NRXN3: variants seen among roughly 807,000 people sequenced by gnomAD.
The protein encoded by NRXN3 is neurexin III.
NRXN3 carries 32 observed loss-of-function variants against 137.6 expected under a neutral mutation model. The ratio of observed to expected loss-of-function variants is 0.23; its 90% CI spans 0.18 to 0.31. The LOEUF (loss-of-function observed/expected upper bound fraction) is 0.31. Among genes scored for constraint, NRXN3 ranks in the 10% least tolerant of loss-of-function variants. The probability of loss-of-function intolerance (pLI) is 1.00; values close to 1 mark genes in which losing one functional copy is unlikely to be tolerated. For synonymous variants in NRXN3, 798 were observed against 784.5 expected (o/e 1.02, Z -0.29); for missense variants, 1,574 against 2,062.5 (o/e 0.76, Z 4.59).
intron 19 of NRXN3, among the ~76,000 whole-genome samples, chr14:79,748,274 T>G (rs974510980): frequency 5.9e-5 from 9 of 152,094 alleles, no homozygotes; most frequent in African/African-American, 1.9e-4. Context: ...AAGCGCCTCT[T>G]AAAGTTATAA....
intron 15 of NRXN3, among the ~76,000 whole-genome samples, chr14:79,120,913 G>A (rs7149325): frequency 0.51 from 77,979 of 151,876 alleles, 22,747 homozygotes; most frequent in East Asian, 0.78. Context: ...TTAGAATGAG[G>A]AGGATTCTAA....
chr14:78,439,166 A>T (rs1437584762), intron 4 of NRXN3, among the ~76,000 whole-genome samples: 1 of 152,080 alleles, frequency 6.6e-6, no homozygotes, highest in Non-Finnish European at 1.5e-5. Flanking sequence ...ATCTGAAGAT[A>T]GTTAAAAAAA....
At chr14:79,282,998 A>G (rs1312281673) in intron 15 of NRXN3, among the ~76,000 whole-genome samples, 1 of 152,184 alleles carries the variant, frequency 6.6e-6, no homozygotes, top group Non-Finnish European at 1.5e-5. Context: ...GTCTCTAACT[A>G]AAAGGACCAG....
At chr14:79,795,232 T>G (rs1002342234) in intron 19 of NRXN3, among the ~76,000 whole-genome samples, 76 of 152,358 alleles carry the variant, frequency 5.0e-4, no homozygotes, top group Non-Finnish European at 7.6e-4. Flanking sequence ...TTTTGTAAAT[T>G]ATTTTGAATC....
intron 16 of NRXN3, among the ~76,000 whole-genome samples, chr14:79,472,119 T>C (rs2096517560): frequency 6.6e-6 from 1 of 152,224 alleles, no homozygotes; most frequent in African/African-American, 2.4e-5. Context: ...TGTGTTACTT[T>C]GCTAAAGATG....
chr14:78,411,004 C>G (rs527592456), intron 4 of NRXN3, among the ~76,000 whole-genome samples: 59 of 152,144 alleles, frequency 3.9e-4, no homozygotes, highest in Admixed American at 1.2e-3. Flanking sequence ...CTCGCTGGGT[C>G]TAGATTTCAT....
At chr14:79,071,873 T>G (rs989279402) in intron 15 of NRXN3, among the ~76,000 whole-genome samples, 10 of 152,160 alleles carry the variant, frequency 6.6e-5, no homozygotes, top group Admixed American at 5.2e-4. Flanking sequence ...GGCTACCCCA[T>G]TTACCCTGAT....
intron 10 of NRXN3, among the ~76,000 whole-genome samples, chr14:78,855,342 G>C (rs552615484): frequency 2.0e-4 from 31 of 152,252 alleles, no homozygotes; most frequent in African/African-American, 5.8e-4. Context: ...AAACAAACAA[G>C]ATGAAAACCT....
chr14:78,270,465 C>T (rs1360474808), intron 2 of NRXN3, among the ~76,000 whole-genome samples: 1 of 152,170 alleles, frequency 6.6e-6, no homozygotes, highest in Non-Finnish European at 1.5e-5. Context: ...TGGCAGTGCC[C>T]ATCTGCTATG....
chr14:79,075,605 T>G (rs963397414), intron 15 of NRXN3, among the ~76,000 whole-genome samples: 1 of 152,146 alleles, frequency 6.6e-6, no homozygotes, highest in Non-Finnish European at 1.5e-5. Flanking sequence ...TTTCAGATAT[T>G]TAATTAAGTC....
At chr14:79,344,130 A>G (rs1598937263) in intron 15 of NRXN3, among the ~76,000 whole-genome samples, 1 of 152,162 alleles carries the variant, frequency 6.6e-6, no homozygotes, top group East Asian at 1.9e-4. Context: ...GAAGACTCCA[A>G]GAGGAATGTA....
intron 4 of NRXN3, among the ~76,000 whole-genome samples, chr14:78,332,568 C>G (rs2080962163): frequency 6.6e-6 from 1 of 152,154 alleles, no homozygotes; most frequent in African/African-American, 2.4e-5. Context: ...CCTGCCTTGG[C>G]CTCCCAAAGT....
intron 4 of NRXN3, among the ~76,000 whole-genome samples, chr14:78,306,385 C>A (rs2077372141): frequency 6.6e-6 from 1 of 152,108 alleles, no homozygotes; most frequent in Non-Finnish European, 1.5e-5. Context: ...ATATAATTTT[C>A]AACTGTAGAT....
intron 4 of NRXN3, among the ~76,000 whole-genome samples, chr14:78,370,787 G>T (rs1041983384): frequency 6.6e-6 from 1 of 152,184 alleles, no homozygotes; most frequent in African/African-American, 2.4e-5. Flanking sequence ...AAGTATGGAT[G>T]TCTAAGATTG....
intron 6 of NRXN3, among the ~76,000 whole-genome samples, chr14:78,662,847 C>T (rs1025267810): frequency 4.6e-5 from 7 of 152,126 alleles, no homozygotes; most frequent in African/African-American, 1.7e-4. Flanking sequence ...TACTCACTTA[C>T]AAGAATTTAT....
chr14:78,391,910 A>T (rs1259578875), intron 4 of NRXN3, among the ~76,000 whole-genome samples: 1 of 152,150 alleles, frequency 6.6e-6, no homozygotes, highest in African/African-American at 2.4e-5. Flanking sequence ...TGGAAGGATG[A>T]GGTGTGGTTC....
intron 19 of NRXN3, among the ~76,000 whole-genome samples, chr14:79,712,518 T>C (rs555748775): frequency 3.0e-4 from 45 of 152,354 alleles, no homozygotes; most frequent in Non-Finnish European, 4.6e-4. Flanking sequence ...TTCTAGAGAC[T>C]GAGGATACAG....
At chr14:79,135,546 C>A (rs879571953) in intron 15 of NRXN3, among the ~76,000 whole-genome samples, 2 of 152,116 alleles carry the variant, frequency 1.3e-5, no homozygotes, top group African/African-American at 4.8e-5. Flanking sequence ...CCCAGGTTCA[C>A]GTATAGGAGT....
chr14:79,806,949 T>TAC (rs2099208577), intron 20 of NRXN3, among the ~76,000 whole-genome samples: 1 of 69,748 alleles, frequency 1.4e-5, no homozygotes, highest in African/African-American at 6.5e-5. Flanking sequence ...TATATATATA[T>TAC]ATATATATAT....
Sources: gnomAD v4.1 joint callset for allele counts (sites outside exome capture counted in the v4.1 genomes callset) on GRCh38, gnomAD v4.1.1 for gene constraint, MANE v1.5 for transcripts, NCBI Gene and HGNC (gene_info 2026-07-23, HGNC 2026-07-21) for gene names.